Variants in THEMIS observed in about 807,000 individuals in gnomAD.
THEMIS encodes thymocyte selection associated.
Under a neutral mutation model 52.6 loss-of-function variants are expected in THEMIS, and 37 were observed. That is an observed-to-expected ratio of 0.70 (90% CI 0.54 to 0.93). The LOEUF (loss-of-function observed/expected upper bound fraction) is 0.93, where lower values mean the gene tolerates loss of function less well. Ranked by LOEUF, THEMIS falls within the 40% of genes least tolerant of loss-of-function variation. The pLI, the probability that THEMIS is intolerant of heterozygous loss-of-function variation, is 0.00. For synonymous variants in THEMIS, 292 were observed against 272.7 expected (o/e 1.07, Z -0.70); for missense variants, 808 against 763.1 (o/e 1.06, Z -0.69).
intron 4 of THEMIS, among the ~76,000 whole-genome samples, chr6:127,801,713 G>A (rs866122714): frequency 6.6e-6 from 1 of 152,102 alleles, no homozygotes; most frequent in Non-Finnish European, 1.5e-5. Flanking sequence ...AACGGTGATG[G>A]CCTCCCCTGA....
chr6:127,700,158 G>A, the THEMIS span, among the ~76,000 whole-genome samples: 3,629 of 151,822 alleles, frequency 0.024, 71 homozygotes, highest in Non-Finnish European at 0.036. Flanking sequence ...TTTAGACAAA[G>A]TTAATTATTT....
At chr6:127,803,264 A>C (rs1275498400) in intron 4 of THEMIS, among the ~76,000 whole-genome samples, 1 of 152,202 alleles carries the variant, frequency 6.6e-6, no homozygotes, top group Non-Finnish European at 1.5e-5. Context: ...TAATACATTT[A>C]TAGATCTGTG....
chr6:127,914,440 G>C (rs1781476567), intron 1 of THEMIS, among the ~76,000 whole-genome samples: 1 of 152,270 alleles, frequency 6.6e-6, no homozygotes, highest in East Asian at 1.9e-4. Context: ...GCATCCTCAG[G>C]CAATTTCATT....
At chr6:127,788,029 C>A (rs974630384) in intron 4 of THEMIS, among the ~76,000 whole-genome samples, 1 of 115,098 alleles carries the variant, frequency 8.7e-6, no homozygotes, top group African/African-American at 3.3e-5. Context: ...CTAATGTTAT[C>A]CTGCACAGAC....
At chr6:127,761,993 G>A (rs959142039) in intron 4 of THEMIS, among the ~76,000 whole-genome samples, 1 of 152,050 alleles carries the variant, frequency 6.6e-6, no homozygotes, top group Non-Finnish European at 1.5e-5. Flanking sequence ...TCAAGATGTG[G>A]AAACACCCTG....
intron 4 of THEMIS, among the ~76,000 whole-genome samples, chr6:127,760,033 A>G (rs955069907): frequency 6.6e-6 from 1 of 151,210 alleles, no homozygotes; most frequent in Admixed American, 6.6e-5. Context: ...TAAGTTTCTC[A>G]TTCATTTTGA....
intron 2 of THEMIS, among the ~76,000 whole-genome samples, chr6:127,853,510 G>A (rs1196965247): frequency 6.6e-6 from 1 of 151,576 alleles, no homozygotes; most frequent in Non-Finnish European, 1.5e-5. Context: ...AGATGAGTAA[G>A]AAAGAAATAG....
At chr6:127,899,901 TTTTA>T (rs1221089659) in intron 1 of THEMIS, among the ~76,000 whole-genome samples, 1 of 99,420 alleles carries the variant, frequency 1.0e-5, no homozygotes. Flanking sequence ...TGTGTGTATA[TTTTA>T]TATATATATA....
chr6:127,776,235 T>C (rs1214559866), intron 4 of THEMIS, among the ~76,000 whole-genome samples: 1 of 152,256 alleles, frequency 6.6e-6, no homozygotes, highest in East Asian at 1.9e-4. Context: ...ATGTTCCACC[T>C]GTAATCACTG....
chr6:127,818,746 G>A (rs1265926425), intron 3 of THEMIS, among the ~76,000 whole-genome samples: 1 of 151,954 alleles, frequency 6.6e-6, no homozygotes, highest in Non-Finnish European at 1.5e-5. Flanking sequence ...TGGAAAAAGG[G>A]GACAACATGT....
At chr6:127,738,975 C>T (rs1467438291) in intron 4 of THEMIS, among the ~76,000 whole-genome samples, 1 of 152,062 alleles carries the variant, frequency 6.6e-6, no homozygotes, top group East Asian at 1.9e-4. Context: ...TATATATATT[C>T]TTTAAAAGTT....
At chr6:127,739,619 G>T (rs138303350) in intron 4 of THEMIS, among the ~76,000 whole-genome samples, 9 of 152,114 alleles carry the variant, frequency 5.9e-5, no homozygotes, top group Non-Finnish European at 1.3e-4. Context: ...TAGCCTGGGC[G>T]ACAGAGCGAG....
chr6:127,862,494 A>T (rs1779841151), intron 1 of THEMIS, among the ~76,000 whole-genome samples: 1 of 131,676 alleles, frequency 7.6e-6, no homozygotes, highest in Admixed American at 9.1e-5. Context: ...AACTCTGCTC[A>T]TTGCAACCTC....
chr6:127,705,396 A>G (rs777795655), downstream of THEMIS, among the ~76,000 whole-genome samples: 37 of 152,190 alleles, frequency 2.4e-4, no homozygotes, highest in Non-Finnish European at 5.0e-4. Context: ...GGCCAACAGC[A>G]TGAACCATTT....
intron 4 of THEMIS, among the ~76,000 whole-genome samples, chr6:127,811,584 C>G (rs560699495): frequency 6.6e-6 from 1 of 152,302 alleles, no homozygotes; most frequent in South Asian, 2.1e-4. Context: ...TGCAAAGTCT[C>G]TTTTGCCATG....
At chr6:127,801,994 T>G (rs1777551966) in intron 4 of THEMIS, among the ~76,000 whole-genome samples, 1 of 152,176 alleles carries the variant, frequency 6.6e-6, no homozygotes, top group Non-Finnish European at 1.5e-5. Flanking sequence ...ACCCTGAATT[T>G]GTTGATTTGG....
chr6:127,910,693 C>A (rs1393213339), intron 1 of THEMIS, among the ~76,000 whole-genome samples: 1 of 152,142 alleles, frequency 6.6e-6, no homozygotes, highest in Admixed American at 6.6e-5. Flanking sequence ...CAGAGATTTC[C>A]TGTATACCCA....
intron 1 of THEMIS, among the ~76,000 whole-genome samples, chr6:127,878,412 C>T (rs1271898337): frequency 1.3e-5 from 2 of 151,902 alleles, no homozygotes; most frequent in Admixed American, 6.6e-5. Context: ...CTACATCAAG[C>T]TGACACGTGG....
chr6:127,794,417 T>C (rs538716534), intron 4 of THEMIS, among the ~76,000 whole-genome samples: 11 of 152,246 alleles, frequency 7.2e-5, no homozygotes, highest in Non-Finnish European at 1.6e-4. Context: ...CTACACAATC[T>C]GCTTCCCAAA....
Sources: allele counts gnomAD v4.1 joint callset (sites outside exome capture counted in the v4.1 genomes callset), GRCh38; gene constraint gnomAD v4.1.1; transcripts MANE v1.5; gene names NCBI Gene and HGNC (gene_info 2026-07-23, HGNC 2026-07-21).